Variants in IL15RA observed in about 807,000 individuals in gnomAD.
IL15RA encodes the protein interleukin 15 receptor subunit alpha, also known as interleukin-15 receptor subunit alpha.
IL15RA carries 26 observed loss-of-function variants against 24.2 expected under a neutral mutation model. That is an observed-to-expected ratio of 1.07 (90% CI 0.79 to 1.49). The LOEUF is 1.49. IL15RA is among the 40% of genes most tolerant of loss of function. The pLI, the probability that IL15RA is intolerant of heterozygous loss-of-function variation, is 0.00. For missense variants in IL15RA, 354 were observed against 356.4 expected, an observed-to-expected ratio of 0.99 and a Z score of 0.05; for synonymous variants, 166 against 157.6, an observed-to-expected ratio of 1.05 and a Z score of -0.40.
At chr10:5,951,200 C>T (rs1227821320), downstream of IL15RA, among the ~76,000 whole-genome samples, 1 of 146,798 alleles carries the variant, frequency 6.8e-6, no homozygotes. Context: ...TGGTGTGTGC[C>T]TGTGCCTGTA....
Position 5,966,400 on chromosome 10 carries a change from C to T in IL15RA, c.89-61G>A. 7.3e-7 allele frequency: 1 copy of T among 1,378,612 alleles called. No individual in the cohort carries two copies. Among genetic ancestry groups the T allele is most frequent in the Middle Eastern group, 2.4e-4 (1 of 4,176 alleles). 85.4% of individuals were successfully genotyped at this position (1,378,612 alleles called of 1,614,324 possible). A position where few individuals can be genotyped will look rare whatever the true frequency, so the allele number is the denominator to read the frequency against. ...GTTTCCACTTGTAAGAGGCGTTCTCCAGGCACACGCAGCGGTAGTCAGTGT... is the reference window on the plus strand; with the variant it reads ...GTTTCCACTTGTAAGAGGCGTTCTCTAGGCACACGCAGCGGTAGTCAGTGT... On this transcript the variant is annotated intron_variant, in intron 1 of 6. Coordinates refer to ENST00000379977, the MANE Select transcript of IL15RA (RefSeq NM_002189.4). The surrounding 1 kb of genome is among the most constrained non-coding windows in gnomAD (Gnocchi z 6.4).
rs8177729 is a variant in IL15RA, at chr10:5,955,438, A to G, written c.692+941T>C. ...TTTATATTGATATCACATTTAGAAAAGAATGTTTTATAACTATTAATAGTA... is the reference window on the plus strand; with the variant it reads ...TTTATATTGATATCACATTTAGAAAGGAATGTTTTATAACTATTAATAGTA... On this transcript the variant is annotated intron_variant, in intron 6 of 6. Coordinates refer to ENST00000379977, the MANE Select transcript of IL15RA (RefSeq NM_002189.4). This position sits in a 1 kb window ranked among gnomAD's most constrained non-coding sequence, Gnocchi z 5.3. Among the ~76,000 whole-genome samples, 43 of 152,294 alleles carry G rather than the reference A, an allele frequency of 2.8e-4. No individual in the cohort carries two copies. The highest frequency in any genetic ancestry group is 9.1e-4 in the African/African-American group (38 of 41,562).
rs1471334709 is a variant in IL15RA at position 5,970,693 on chromosome 10, A to C, written c.89-4354T>G. Among the ~76,000 whole-genome samples the C allele has an allele frequency of 1.3e-5, 2 of 151,854 alleles. No individual in the cohort carries two copies. The highest frequency in any genetic ancestry group is 1.3e-4 in the Admixed American group (2 of 15,240). On this transcript the variant is annotated intron_variant, in intron 1 of 6. Coordinates refer to ENST00000379977, the MANE Select transcript of IL15RA (RefSeq NM_002189.4). The surrounding 1 kb of genome is among the most constrained non-coding windows in gnomAD (Gnocchi z 4.1). ...TTGGTGATATTACTAACACTGTTTC[A>C]TTTTATTATTTTATTTTTAAAATGA...
Position 5,966,125 on chromosome 10 carries a change from G to C in IL15RA, c.283+20C>G, listed in dbSNP as rs1244769800. ...GCAGGGTGGGGGAGGGAGGAAGGTG[G>C]GGTGGCAAGGGCTACTCACTAATGC... On this transcript the variant is annotated intron_variant, in intron 2 of 6. Transcript: ENST00000379977. This position sits in a 1 kb window ranked among gnomAD's most constrained non-coding sequence, Gnocchi z 6.4. 5 of 1,568,292 alleles carry C rather than the reference G, an allele frequency of 3.2e-6. No individual in the cohort carries two copies. Among genetic ancestry groups the C allele is most frequent in the Non-Finnish European group, 4.4e-6 (5 of 1,140,606 alleles).
In IL15RA at chr10:5,955,985, G is replaced by A. The variant is rs146592473; in HGVS notation, c.692+394C>T. Among the ~76,000 whole-genome samples the A allele has an allele frequency of 2.4e-4, 36 of 152,172 alleles. No homozygotes were observed. The East Asian group carries it at 6.4e-3, about 27-fold the overall frequency. ...AGGAAAGGCGTCCTTCTTGGGAGGG[G>A]GCATTCTGGAATCACTATGGTGGGG... On this transcript the variant is annotated intron_variant, in intron 6 of 6. Coordinates refer to ENST00000379977, the MANE Select transcript of IL15RA (RefSeq NM_002189.4). This position sits in a 1 kb window ranked among gnomAD's most constrained non-coding sequence, Gnocchi z 5.3.
chr10:5,960,718 G>C lies in IL15RA; in HGVS notation c.383-151C>G, dbSNP rs1835361112. ...AACTGCTCCTTGAGAGGGTGACATA[G>C]CCGTTCCTCTGGAAGGGCCATAGGA... On this transcript the variant is annotated intron_variant, in intron 3 of 6. Transcript: ENST00000379977. This position sits in a 1 kb window ranked among gnomAD's most constrained non-coding sequence, Gnocchi z 5.1. The C allele has an allele frequency of 7.4e-6, 5 of 676,428 alleles. No homozygotes were observed. In the East Asian group the frequency reaches 1.4e-4, roughly 18 times the overall value. 41.9% of individuals were successfully genotyped at this position (676,428 alleles called of 1,614,324 possible). A position where few individuals can be genotyped will look rare whatever the true frequency, so the allele number is the denominator to read the frequency against.
At chr10:5,977,831 C>T (rs978183272), upstream of IL15RA, 1 of 397,558 alleles carries the variant, frequency 2.5e-6, no homozygotes, top group African/African-American at 2.1e-5. Flanking sequence ...TCTGGGACCT[C>T]CAGTGTGCAC....
In IL15RA at chr10:5,960,428, G is replaced by A. The variant is rs769661693; in HGVS notation, c.522C>T (p.Thr174=). Residue 174 remains threonine (T), a synonymous_variant, in exon 4 of 7, where the codon ACC becomes ACT. Transcript: ENST00000379977. The surrounding 1 kb of genome is among the most constrained non-coding windows in gnomAD (Gnocchi z 5.1). ...EISSHESSHG[T]PSQTTAKNWE... ...AGTTCTTGGCTGTTGTCTGAGAGGG[G>A]GTGCCGTGGGAGGACTCATGACTGC... 3 of 1,614,154 alleles carry A rather than the reference G, an allele frequency of 1.9e-6. No individual in the cohort carries two copies. Among genetic ancestry groups the A allele is most frequent in the South Asian group, 2.2e-5 (2 of 91,070 alleles).
At position 5,968,974 on chromosome 10, in the gene IL15RA, A is replaced by G; in HGVS notation, c.89-2635T>C. 1 of 1,535,092 alleles carries G rather than the reference A, an allele frequency of 6.5e-7. No homozygotes were observed. The highest frequency in any genetic ancestry group is 8.7e-7 in the Non-Finnish European group (1 of 1,146,462). ...GAAGTGTTCCCTGCCCATTTCCAGC[A>G]GCCGTGGACCTCCAGGGCTGTTTGT... On this transcript the variant is annotated intron_variant, in intron 1 of 6. Transcript: ENST00000379977. This position sits in a 1 kb window ranked among gnomAD's most constrained non-coding sequence, Gnocchi z 5.4.
Position 5,962,603 on chromosome 10 carries a change from A to G in IL15RA, c.382+1140T>C, listed in dbSNP as rs919098269. Among the ~76,000 whole-genome samples the G allele has an allele frequency of 9.2e-5, 14 of 151,672 alleles. No homozygotes were observed. The highest frequency in any genetic ancestry group is 2.9e-4 in the African/African-American group (12 of 41,218). ...CAAGACCCCATCTCAAAAAAAAAAA[A>G]AAAAAAGATCCACCTGGGGCTGGAG... On this transcript the variant is annotated intron_variant, in intron 3 of 6. Transcript: ENST00000379977. The surrounding 1 kb of genome is among the most constrained non-coding windows in gnomAD (Gnocchi z 5.2).
At chr10:5,969,075 T>C in intron 1 of IL15RA, 1 of 1,112,812 alleles carries the variant, frequency 9.0e-7, no homozygotes, top group Non-Finnish European at 1.3e-6. Flanking sequence ...TCGATCTATG[T>C]GTCTGTTTGT....
chr10:5,965,639 T>C lies in IL15RA; in HGVS notation c.283+506A>G, dbSNP rs1051252820. ...GGGTGGTAGGCGGCAAAGCCAGGATTTAAACCCAGAATCCTGTGACCCCAG... is the reference window on the plus strand; with the variant it reads ...GGGTGGTAGGCGGCAAAGCCAGGATCTAAACCCAGAATCCTGTGACCCCAG... On this transcript the variant is annotated intron_variant, in intron 2 of 6. Coordinates refer to ENST00000379977, the MANE Select transcript of IL15RA (RefSeq NM_002189.4). This position sits in a 1 kb window ranked among gnomAD's most constrained non-coding sequence, Gnocchi z 5.8. 6.6e-6 allele frequency among the ~76,000 whole-genome samples: 1 copy of C among 152,228 alleles called. No individual in the cohort carries two copies. The highest frequency in any genetic ancestry group is 1.5e-5 in the Non-Finnish European group (1 of 68,040).
rs563541085 is a variant in IL15RA, at chr10:5,959,216, G to C, written c.616+538C>G. 6.7e-6 allele frequency among the ~76,000 whole-genome samples: 1 copy of C among 149,316 alleles called. No homozygotes were observed. The highest frequency in any genetic ancestry group is 1.5e-5 in the Non-Finnish European group (1 of 67,528). On this transcript the variant is annotated intron_variant, in intron 5 of 6. Transcript: ENST00000379977. This position sits in a 1 kb window ranked among gnomAD's most constrained non-coding sequence, Gnocchi z 4.1. ...AGATGGGGTCTTGCTATGTTGACCAGGCTGGCCTCAAATTCTGGCCTCAAG... is the reference window on the plus strand; with the variant it reads ...AGATGGGGTCTTGCTATGTTGACCACGCTGGCCTCAAATTCTGGCCTCAAG...
chr10:5,968,990 G>T lies in IL15RA; in HGVS notation c.89-2651C>A, dbSNP rs1288523865. 12 of 1,533,782 alleles carry T rather than the reference G, an allele frequency of 7.8e-6. No homozygotes were observed. The highest frequency in any genetic ancestry group is 1.0e-5 in the Non-Finnish European group (12 of 1,145,724). On this transcript the variant is annotated intron_variant, in intron 1 of 6. Transcript: ENST00000379977. This position sits in a 1 kb window ranked among gnomAD's most constrained non-coding sequence, Gnocchi z 5.4. ...ATTTCCAGCAGCCGTGGACCTCCAG[G>T]GCTGTTTGTGTAGGATCCTGAGCAA...
rs1438295990 is a variant in IL15RA at position 5,960,967 on chromosome 10, G to A, written c.383-400C>T. Among the ~76,000 whole-genome samples the A allele has an allele frequency of 6.6e-6, 1 of 152,094 alleles. No homozygotes were observed. The highest frequency in any genetic ancestry group is 1.5e-5 in the Non-Finnish European group (1 of 68,012). On this transcript the variant is annotated intron_variant, in intron 3 of 6. Transcript: ENST00000379977. This position sits in a 1 kb window ranked among gnomAD's most constrained non-coding sequence, Gnocchi z 5.1. Reference sequence around the variant, plus strand: ...CTTGCTCTGTTGCCAAGGTTGGAGTGCAGTGGCGCGATCTCAGCTCACTGC... The same window carrying A: ...CTTGCTCTGTTGCCAAGGTTGGAGTACAGTGGCGCGATCTCAGCTCACTGC...
rs994556765 is a variant in IL15RA at position 5,961,611 on chromosome 10, C to T, written c.383-1044G>A. On this transcript the variant is annotated intron_variant, in intron 3 of 6. Transcript: ENST00000379977. The surrounding 1 kb of genome is among the most constrained non-coding windows in gnomAD (Gnocchi z 5.2). ...CTCTCCGGGCTGTGTGGGAGGAAAG[C>T]GTCCTGATGAGCTTGCTCTCAGGAA... Among the ~76,000 whole-genome samples the T allele has an allele frequency of 2.0e-5, 3 of 152,236 alleles. No individual in the cohort carries two copies. Among genetic ancestry groups the T allele is most frequent in the Non-Finnish European group, 4.4e-5 (3 of 68,042 alleles).
downstream of IL15RA, chr10:5,949,425 T>C: frequency 2.1e-6 from 1 of 468,052 alleles, no homozygotes; most frequent in East Asian, 6.9e-5. This position sits in a 1 kb window ranked among gnomAD's most constrained non-coding sequence, Gnocchi z 4.4. Context: ...GAGTTCTGAT[T>C]AGTGCCTAGC....
In IL15RA at chr10:5,970,999, C is replaced by A. The variant is rs1589246304; in HGVS notation, c.89-4660G>T. On this transcript the variant is annotated intron_variant, in intron 1 of 6. Transcript: ENST00000379977. This position sits in a 1 kb window ranked among gnomAD's most constrained non-coding sequence, Gnocchi z 4.1. Reference sequence around the variant, plus strand: ...TCTCAAACTCCTGAACTCAAGCCGTCCTCCAGAGATAATACATTTAATTGA... The same window carrying A: ...TCTCAAACTCCTGAACTCAAGCCGTACTCCAGAGATAATACATTTAATTGA... Among the ~76,000 whole-genome samples the A allele has an allele frequency of 1.3e-5, 2 of 152,200 alleles. No individual in the cohort carries two copies. The highest frequency in any genetic ancestry group is 3.9e-4 in the East Asian group (2 of 5,192).
chr10:5,949,955 G>A (rs1833759713), downstream of IL15RA, among the ~76,000 whole-genome samples: 1 of 152,088 alleles, frequency 6.6e-6, no homozygotes, highest in African/African-American at 2.4e-5. This position sits in a 1 kb window ranked among gnomAD's most constrained non-coding sequence, Gnocchi z 4.4. Context: ...AATTAGCCAG[G>A]TGTGGTGGTG....
Sources: gnomAD v4.1 joint callset for allele counts (sites outside exome capture counted in the v4.1 genomes callset) on GRCh38, gnomAD v4.1.1 for gene constraint, Gnocchi (gnomAD v3.1) non-coding constraint, MANE v1.5 for transcripts, NCBI Gene and HGNC (gene_info 2026-07-23, HGNC 2026-07-21) for gene names.